Variants in PHF24 observed in about 807,000 individuals in gnomAD.
PHF24 encodes the protein Galpha inhibitory interacting protein.
PHF24 carries 25 observed loss-of-function variants against 42.6 expected under a neutral mutation model. The ratio of observed to expected loss-of-function variants is 0.59; its 90% CI spans 0.43 to 0.82. PHF24 has a LOEUF of 0.82. PHF24 is among the 40% of genes least tolerant of loss of function. PHF24 has a pLI of 0.00. For synonymous variants in PHF24, 185 were observed against 204.8 expected (o/e 0.90, Z 0.83); for missense variants, 470 against 538.1 (o/e 0.87, Z 1.25).
the PHF24 span, among the ~76,000 whole-genome samples, chr9:34,915,126 G>A: frequency 3.1e-4 from 45 of 145,670 alleles, no homozygotes; most frequent in African/African-American, 1.0e-3. Flanking sequence ...TCGACCTCCT[G>A]GGCTCAAGCT....
chr9:34,853,804 G>A, the PHF24 span, among the ~76,000 whole-genome samples: 1 of 148,188 alleles, frequency 6.7e-6, no homozygotes, highest in Admixed American at 6.7e-5. Context: ...CTCCAGCCTG[G>A]GTGACAGAGC....
At chr9:34,714,758 A>G in the PHF24 span, among the ~76,000 whole-genome samples, 3 of 152,114 alleles carry the variant, frequency 2.0e-5, no homozygotes, top group South Asian at 6.2e-4. Flanking sequence ...CCTGGCACAG[A>G]TTGTAGAAAA....
chr9:34,877,293 A>C, the PHF24 span, among the ~76,000 whole-genome samples: 1 of 152,000 alleles, frequency 6.6e-6, no homozygotes, highest in African/African-American at 2.4e-5. Context: ...AAAAAAAAAA[A>C]AAAGAAAAAG....
the PHF24 span, among the ~76,000 whole-genome samples, chr9:34,789,987 C>T: frequency 6.6e-6 from 1 of 152,134 alleles, no homozygotes; most frequent in Non-Finnish European, 1.5e-5. Context: ...GCTGGGACTA[C>T]AGGCATGCGC....
the PHF24 span, among the ~76,000 whole-genome samples, chr9:34,722,075 T>G: frequency 1.2e-4 from 18 of 152,330 alleles, no homozygotes; most frequent in East Asian, 3.1e-3. Context: ...CATGGTTTTT[T>G]CTTTCTCACT....
chr9:34,940,398 C>G, the PHF24 span, among the ~76,000 whole-genome samples: 1 of 149,228 alleles, frequency 6.7e-6, no homozygotes, highest in South Asian at 2.1e-4. Flanking sequence ...GGTTTGTTTT[C>G]TCTAAAAAAA....
At chr9:34,976,880 C>T in intron 5 of PHF24, 140 bp downstream of exon 5, 1 of 904,320 alleles carries the variant, frequency 1.1e-6, no homozygotes, top group Non-Finnish European at 1.7e-6. Context: ...CATCCAGTGA[C>T]AGATGATCTG....
At chr9:34,956,036 C>T (rs757554971), upstream of PHF24, among the ~76,000 whole-genome samples, 2 of 152,114 alleles carry the variant, frequency 1.3e-5, no homozygotes, top group Non-Finnish European at 2.9e-5. Context: ...AACCCAAGTA[C>T]CTCCCTTCAT....
the PHF24 span, chr9:34,835,715 C>G: frequency 1.3e-6 from 2 of 1,551,304 alleles, no homozygotes; most frequent in African/African-American, 1.4e-5. Flanking sequence ...GCCCAGTAAT[C>G]TTGTATGCCA....
At chr9:34,981,729 C>T (rs1201754347) in exon 8 of PHF24, 1 of 150,390 alleles carries the variant, frequency 6.6e-6, no homozygotes, top group Non-Finnish European at 1.5e-5. Context: ...AATAAAATTC[C>T]TATTTTCTTT....
the PHF24 span, among the ~76,000 whole-genome samples, chr9:34,744,886 T>A: frequency 6.6e-6 from 1 of 151,370 alleles, no homozygotes. Context: ...AAAAAAAAAA[T>A]CCAGGTCCAT....
At chr9:34,949,007 T>C in the PHF24 span, among the ~76,000 whole-genome samples, 2 of 152,190 alleles carry the variant, frequency 1.3e-5, no homozygotes, top group African/African-American at 4.8e-5. Context: ...CAAAGGTATA[T>C]GCACATAATA....
chr9:34,971,607 G>A (rs1214723684), exon 2 of PHF24: 10 of 1,614,032 alleles, frequency 6.2e-6, no homozygotes, highest in African/African-American at 1.3e-5. Context: ...CACCCCCTGC[G>A]TTCATCCGCC....
chr9:34,726,477 T>G, the PHF24 span: 1 of 1,551,534 alleles, frequency 6.4e-7, no homozygotes, highest in Non-Finnish European at 8.7e-7. Flanking sequence ...ACCTGGGAAT[T>G]CAAGTGATGC....
At chr9:34,686,296 G>A in the PHF24 span, among the ~76,000 whole-genome samples, 1 of 152,274 alleles carries the variant, frequency 6.6e-6, no homozygotes, top group East Asian at 1.9e-4. Context: ...GAGTGACATG[G>A]AGCTTGCCTG....
the PHF24 span, among the ~76,000 whole-genome samples, chr9:34,800,764 G>T: frequency 3.9e-5 from 6 of 151,986 alleles, no homozygotes; most frequent in Admixed American, 2.6e-4. Flanking sequence ...ATGGGCAAAG[G>T]CTTCATGACT....
At chr9:34,697,125 G>A in the PHF24 span, among the ~76,000 whole-genome samples, 14 of 152,306 alleles carry the variant, frequency 9.2e-5, no homozygotes, top group African/African-American at 3.4e-4. Context: ...TTAATATTCT[G>A]TTGGGTTGAT....
At chr9:34,690,342 G>A in the PHF24 span, 1 of 1,613,536 alleles carries the variant, frequency 6.2e-7, no homozygotes, top group African/African-American at 1.3e-5. Context: ...CAGAGTTGGG[G>A]CTGGGATGGG....
At chr9:34,954,171 C>T (rs887842843), upstream of PHF24, among the ~76,000 whole-genome samples, 1 of 152,138 alleles carries the variant, frequency 6.6e-6, no homozygotes, top group Non-Finnish European at 1.5e-5. Context: ...CACACACACA[C>T]ACAAAGGATG....
Sources: gnomAD v4.1 joint callset for allele counts (sites outside exome capture counted in the v4.1 genomes callset) on GRCh38, gnomAD v4.1.1 for gene constraint, MANE v1.5 for transcripts, NCBI Gene and HGNC (gene_info 2026-07-23, HGNC 2026-07-21) for gene names.